Variants in MAP4K5 observed in about 807,000 individuals in gnomAD.
MAP4K5 encodes mitogen-activated protein kinase kinase kinase kinase 5.
MAP4K5 carries 82 observed loss-of-function variants against 135.6 expected under a neutral mutation model. That is an observed-to-expected ratio of 0.60 (90% CI 0.51 to 0.73). MAP4K5 has a LOEUF of 0.73. MAP4K5 is among the 30% of genes least tolerant of loss of function. MAP4K5 has a pLI of 0.00. For synonymous variants in MAP4K5, 347 were observed against 335.0 expected (o/e 1.04, Z -0.39); for missense variants, 907 against 1,010.9 (o/e 0.90, Z 1.39).
chr14:50,437,279 C>T (rs912962848), intron 26 of MAP4K5, among the ~76,000 whole-genome samples, 197 bp downstream of exon 26: 16 of 152,144 alleles, frequency 1.1e-4, no homozygotes, highest in African/African-American at 2.4e-4. Context: ...TCTGAGAAAA[C>T]GCTAAGGTTA....
chr14:50,480,158 GT>G lies in MAP4K5; in HGVS notation c.378+2202del, dbSNP rs931469113. On this transcript the variant is annotated intron_variant, in intron 6 of 32. Transcript: ENST00000682126. Reference sequence around the variant, plus strand: ...TATTCCCTTCCTAAGCTTCATATTGGTTTTTTTTTTATTTTAATTTTTGTGG... The same window carrying G: ...TATTCCCTTCCTAAGCTTCATATTGGTTTTTTTTTATTTTAATTTTTGTGG... Among the ~76,000 whole-genome samples, 223 of 148,570 alleles carry G rather than the reference GT, an allele frequency of 1.5e-3. 1 individual carries two copies. Among genetic ancestry groups the G allele is most frequent in the Admixed American group, 3.7e-3 (55 of 14,900 alleles).
chr14:50,476,099 A>G (rs754351953), intron 8 of MAP4K5, 29 bp downstream of exon 8: 2 of 1,350,626 alleles, frequency 1.5e-6, no homozygotes, highest in South Asian at 3.2e-5. Flanking sequence ...AATTTTTGGA[A>G]AAAATTTTAG....
At chr14:50,463,891 C>CAAA (rs56877870) in intron 12 of MAP4K5, among the ~76,000 whole-genome samples, 161 bp downstream of exon 12, 5 of 70,396 alleles carry the variant, frequency 7.1e-5, no homozygotes, top group African/African-American at 3.0e-4. Flanking sequence ...ACCCTGTTTC[C>CAAA]AAAAAAAAAA....
At chr14:50,464,586 A>G (rs1484388858) in intron 11 of MAP4K5, among the ~76,000 whole-genome samples, 1 of 152,210 alleles carries the variant, frequency 6.6e-6, no homozygotes. Flanking sequence ...AAGAGGAGGG[A>G]GCAATTTTAG....
chr14:50,491,325 T>TC (rs2037479744), intron 3 of MAP4K5, among the ~76,000 whole-genome samples: 2 of 130,932 alleles, frequency 1.5e-5, no homozygotes, highest in African/African-American at 2.9e-5. Context: ...ATTATCTCTC[T>TC]TTTTTTTTTT....
At chr14:50,560,049 G>C (rs1418750176) in intron 1 of MAP4K5, 1 of 609,646 alleles carries the variant, frequency 1.6e-6, no homozygotes, top group Non-Finnish European at 3.0e-6. Context: ...GCTGGTATCT[G>C]TGTGAACTCG....
chr14:50,532,654 G>T (rs1426412423), upstream of MAP4K5: 3 of 151,926 alleles, frequency 2.0e-5, no homozygotes, highest in Non-Finnish European at 4.4e-5. Flanking sequence ...GCATGGGTCG[G>T]CGCCCAGCGG....
chr14:50,536,671 T>C (rs1390881029), upstream of MAP4K5, among the ~76,000 whole-genome samples: 1 of 152,168 alleles, frequency 6.6e-6, no homozygotes, highest in Non-Finnish European at 1.5e-5. Context: ...TGAGGTAGTC[T>C]CAAATGGAGA....
chr14:50,462,523 G>A (rs1406536711), intron 13 of MAP4K5, 142 bp downstream of exon 13: 9 of 624,820 alleles, frequency 1.4e-5, no homozygotes, highest in Non-Finnish European at 2.5e-5. Flanking sequence ...CAGGAAAAGT[G>A]TAGTTTACAT....
chr14:50,485,700 T>G, intron 4 of MAP4K5, 58 bp from the exon 5 acceptor site: 1 of 1,036,902 alleles, frequency 9.6e-7, no homozygotes, highest in Non-Finnish European at 1.5e-6. Context: ...ACTGAAATAC[T>G]CTAAGGCTCT....
chr14:50,501,416 T>C (rs2037703303), intron 3 of MAP4K5, among the ~76,000 whole-genome samples: 1 of 152,012 alleles, frequency 6.6e-6, no homozygotes, highest in Non-Finnish European at 1.5e-5. Flanking sequence ...CCCCCAGCTA[T>C]AATTTTTTTT....
At chr14:50,469,126 G>A (rs1184836034) in intron 9 of MAP4K5, among the ~76,000 whole-genome samples, 1 of 152,176 alleles carries the variant, frequency 6.6e-6, no homozygotes, top group African/African-American at 2.4e-5. Context: ...TAAAGGAGGT[G>A]AGACTTCTAA....
chr14:50,423,653 T>C (rs1387419984), intron 31 of MAP4K5, among the ~76,000 whole-genome samples: 1 of 152,054 alleles, frequency 6.6e-6, no homozygotes, highest in Non-Finnish European at 1.5e-5. Context: ...CCTGTAGTCC[T>C]AGCTGCTCAG....
intron 21 of MAP4K5, 102 bp from the exon 22 acceptor site, chr14:50,440,543 T>TA: frequency 1.7e-6 from 1 of 586,400 alleles, no homozygotes; most frequent in Non-Finnish European, 3.0e-6. Context: ...ATTAGCCACC[T>TA]ATCCATCTAA....
chr14:50,427,346 C>T (rs1477628226), intron 30 of MAP4K5, among the ~76,000 whole-genome samples: 1 of 152,052 alleles, frequency 6.6e-6, no homozygotes, highest in Non-Finnish European at 1.5e-5. Context: ...AAACTAGTTT[C>T]CAAAATTTCT....
At chr14:50,465,591 T>C (rs2036814163) in intron 11 of MAP4K5, among the ~76,000 whole-genome samples, 1 of 152,196 alleles carries the variant, frequency 6.6e-6, no homozygotes, top group Non-Finnish European at 1.5e-5. Context: ...TGTCATGTTA[T>C]CTGGAAACCC....
rs371665576 is a variant in MAP4K5 at position 50,447,452 on chromosome 14, T to C, written c.1104A>G (p.Leu368=). The C allele has an allele frequency of 1.6e-5, 25 of 1,552,476 alleles. No homozygotes were observed. The African/African-American group carries it at 3.3e-4, about 20-fold the overall frequency. ...MGLSSDPNFM[L]QWNPFVDGAN... ...CACCATCAACAAAAGGATTCCACTGTAACATGAAATTTGGGTCTGATGACA... is the reference window on the plus strand; with the variant it reads ...CACCATCAACAAAAGGATTCCACTGCAACATGAAATTTGGGTCTGATGACA... The change falls in exon 16 of 33, where the codon TTA becomes TTG. Residue 368 remains leucine (L), a synonymous_variant. Coordinates refer to ENST00000682126, the MANE Select transcript of MAP4K5 (RefSeq NM_006575.6).
rs528242147 is a variant in MAP4K5, at chr14:50,506,069, C to T, written c.109-1212G>A. 7.2e-5 allele frequency among the ~76,000 whole-genome samples: 11 copies of T among 151,944 alleles called. No individual in the cohort carries two copies. In the South Asian group the frequency reaches 1.5e-3, roughly 20 times the overall value. ...ACTAATTTATGACCTTTTTCATTTA[C>T]TATATTAGATTTGAATATCAACTTT... is the stretch of plus-strand genomic sequence containing the variant. On this transcript the variant is annotated intron_variant, in intron 2 of 32. Coordinates refer to ENST00000682126, the MANE Select transcript of MAP4K5 (RefSeq NM_006575.6).
chr14:50,544,042 T>C (rs1287511297), intron 1 of MAP4K5, among the ~76,000 whole-genome samples: 3 of 152,192 alleles, frequency 2.0e-5, no homozygotes, highest in Non-Finnish European at 2.9e-5. Context: ...ATGGGGAAAT[T>C]GGTTATTGCT....
Sources: allele counts gnomAD v4.1 joint callset (sites outside exome capture counted in the v4.1 genomes callset), GRCh38; gene constraint gnomAD v4.1.1; transcripts MANE v1.5; gene names NCBI Gene and HGNC (gene_info 2026-07-23, HGNC 2026-07-21).